The following RASGEF1C variants were observed in gnomAD, a reference collection of about 807,000 sequenced individuals.
RASGEF1C encodes RasGEF domain family member 1C, also known as ras-GEF domain-containing family member 1C.
A neutral mutation model predicts 58.1 loss-of-function variants in RASGEF1C; 27 were observed. The observed-to-expected ratio is 0.46, with a 90% CI of 0.34 to 0.64. The LOEUF (loss-of-function observed/expected upper bound fraction) is 0.64, where lower values mean the gene tolerates loss of function less well. Among genes scored for constraint, RASGEF1C ranks in the 30% least tolerant of loss-of-function variants. RASGEF1C has a pLI of 0.01. For missense variants in RASGEF1C, 502 were observed against 605.1 expected (o/e 0.83, Z 1.79); for synonymous variants, 243 against 246.3 (o/e 0.99, Z 0.13).
At chr5:180,163,483 T>C (rs947856013) in intron 1 of RASGEF1C, among the ~76,000 whole-genome samples, 4 of 152,070 alleles carry the variant, frequency 2.6e-5, no homozygotes, top group Admixed American at 1.3e-4. Context: ...CCCTTGAGAC[T>C]TCCTTTCTTA....
At chr5:180,190,503 AAAAAAT>A (rs1278606972) in intron 1 of RASGEF1C, among the ~76,000 whole-genome samples, 19 of 94,626 alleles carry the variant, frequency 2.0e-4, no homozygotes, top group African/African-American at 5.6e-4. Context: ...AAAAAAAAAA[AAAAAAT>A]AATAATAATA....
intron 1 of RASGEF1C, among the ~76,000 whole-genome samples, chr5:180,205,225 GACTAACAATAAA>G (rs1756467737): frequency 2.6e-5 from 4 of 151,636 alleles, no homozygotes; most frequent in Admixed American, 6.6e-5. Flanking sequence ...CAAAAAAAAA[GACTAACAATAAA>G]ACTAACAATA....
At chr5:180,122,418 T>C (rs1287480024) in intron 6 of RASGEF1C, among the ~76,000 whole-genome samples, 1 of 152,250 alleles carries the variant, frequency 6.6e-6, no homozygotes, top group African/African-American at 2.4e-5. Context: ...ATTTAAAAGA[T>C]GAAACTTAAC....
intron 1 of RASGEF1C, among the ~76,000 whole-genome samples, chr5:180,159,618 T>C (rs1766905311): frequency 6.6e-6 from 1 of 152,118 alleles, no homozygotes; most frequent in African/African-American, 2.4e-5. Context: ...TCAAGAGAGA[T>C]GATGGGGCTG....
intron 4 of RASGEF1C, among the ~76,000 whole-genome samples, chr5:180,135,053 C>CG (rs1554112749): frequency 7.6e-5 from 11 of 144,466 alleles, no homozygotes; most frequent in African/African-American, 2.8e-4. Flanking sequence ...CCACCCCCCC[C>CG]GTCCAATCAT....
rs562367934 is a variant in RASGEF1C, at chr5:180,137,768, G to T, written c.178-56C>A. 5.0e-6 allele frequency: 8 copies of T among 1,607,450 alleles called. No individual in the cohort carries two copies. Among genetic ancestry groups the T allele is most frequent in the Non-Finnish European group, 6.8e-6 (8 of 1,176,702 alleles). On this transcript the variant is annotated intron_variant, in intron 2 of 13. Coordinates refer to ENST00000361132, the MANE Select transcript of RASGEF1C (RefSeq NM_175062.4). This position sits in a 1 kb window ranked among gnomAD's most constrained non-coding sequence, Gnocchi z 4.1. Reference sequence around the variant, plus strand: ...CTCAGGAGGGCACCAGGAGGGGCATGCTTCCCAGCTGGCCCTGTACCCTGG... The same window carrying T: ...CTCAGGAGGGCACCAGGAGGGGCATTCTTCCCAGCTGGCCCTGTACCCTGG...
intron 1 of RASGEF1C, among the ~76,000 whole-genome samples, chr5:180,190,347 G>C (rs6876260): frequency 6.6e-6 from 1 of 151,146 alleles, no homozygotes; most frequent in Non-Finnish European, 1.5e-5. Context: ...AAAATTAGCC[G>C]GGCGTGGTGG....
Position 180,128,459 on chromosome 5 carries a change from A to T in RASGEF1C, c.590T>A (p.Val197Asp), listed in dbSNP as rs1766302362. Residue 197 changes from valine to aspartate, a missense_variant, in exon 5 of 14, where the codon GTC becomes GAC. By Grantham distance (152) the Val-to-Asp change is radical. Coordinates refer to ENST00000361132, the MANE Select transcript of RASGEF1C (RefSeq NM_175062.4). ...GGCCAGTGTGTAGGGGTCGCTGCAG[A>T]CACCAAGGAGCTCCCTGTGGATGGA... is the stretch of plus-strand genomic sequence containing the variant. ...PASIHRELLGVCSDPYTLAQQ... is the reference protein window; with the variant it reads ...PASIHRELLGDCSDPYTLAQQ... 1 of 1,614,006 alleles carries T rather than the reference A, an allele frequency of 6.2e-7. No individual in the cohort carries two copies.
At chr5:180,181,433 G>A (rs1163729910) in intron 1 of RASGEF1C, among the ~76,000 whole-genome samples, 1 of 152,144 alleles carries the variant, frequency 6.6e-6, no homozygotes, top group Non-Finnish European at 1.5e-5. Flanking sequence ...TTGGAAATAG[G>A]GTCACTGCAA....
rs1766510764 is a variant in RASGEF1C at position 180,137,872 on chromosome 5, C to T, written c.177+4G>A. 1 of 1,611,280 alleles carries T rather than the reference C, an allele frequency of 6.2e-7. No individual in the cohort carries two copies. The highest frequency in any genetic ancestry group is 1.7e-5 in the Admixed American group (1 of 59,582). ...CTCTCCTGCCCGCTGGGTGGATCAC[C>T]CACCTCGGGGTAGTAGTCGGCTGTG... is the stretch of plus-strand genomic sequence containing the variant. On this transcript the variant is annotated splice_donor_region_variant and intron_variant, in intron 2 of 13. Transcript: ENST00000361132. The surrounding 1 kb of genome is among the most constrained non-coding windows in gnomAD (Gnocchi z 4.1).
At chr5:180,129,726 G>A (rs1273575810) in intron 4 of RASGEF1C, among the ~76,000 whole-genome samples, 1 of 152,190 alleles carries the variant, frequency 6.6e-6, no homozygotes, top group Non-Finnish European at 1.5e-5. Flanking sequence ...CGCCATCGCT[G>A]GGGACCAGGC....
In RASGEF1C at chr5:180,191,608, A is replaced by G. The variant is rs547781879; in HGVS notation, c.-7+17420T>C. ...CCTGACCTCGTGATCCGCCCGCCTCAGCCTCCCAAAGTGCTGGGATTACAG... is the reference window on the plus strand; with the variant it reads ...CCTGACCTCGTGATCCGCCCGCCTCGGCCTCCCAAAGTGCTGGGATTACAG... On this transcript the variant is annotated intron_variant, in intron 1 of 13. Coordinates refer to ENST00000361132, the MANE Select transcript of RASGEF1C (RefSeq NM_175062.4). 1.3e-3 allele frequency among the ~76,000 whole-genome samples: 197 copies of G among 152,224 alleles called. 2 individuals are homozygous for G. The South Asian group carries it at 0.017, about 13-fold the overall frequency.
Position 180,127,666 on chromosome 5 carries a change from G to A in RASGEF1C, c.657C>T (p.Ile219=), listed in dbSNP as rs200589786. The change falls in exon 6 of 14, where the codon ATC becomes ATT. Residue 219 remains isoleucine, a synonymous_variant. Coordinates refer to ENST00000361132, the MANE Select transcript of RASGEF1C (RefSeq NM_175062.4). The stretch of plus-strand genomic sequence containing the variant: ...AGGCCTGGACAAACTCCTCAGGCCC[G>A]ATGTGCCGCAGCCGCTCCTGCAGGG... ...THVELERLRH[I]GPEEFVQAFV... 4.1e-5 allele frequency: 66 copies of A among 1,612,866 alleles called. No individual in the cohort carries two copies. The highest frequency in any genetic ancestry group is 5.3e-5 in the Non-Finnish European group (63 of 1,179,652).
chr5:180,193,835 C>T (rs557749265), intron 1 of RASGEF1C, among the ~76,000 whole-genome samples: 4 of 150,592 alleles, frequency 2.7e-5, no homozygotes, highest in Admixed American at 6.6e-5. Flanking sequence ...ATGAAGTTTA[C>T]GCAGACAAAG....
At chr5:180,113,263 G>T (rs1765997100) in intron 11 of RASGEF1C, among the ~76,000 whole-genome samples, 1 of 84,660 alleles carries the variant, frequency 1.2e-5, no homozygotes, top group African/African-American at 4.5e-5. Context: ...ATGGACGGAG[G>T]GACCGAGGAT....
At chr5:180,136,604 G>A in intron 3 of RASGEF1C, 89 bp from the exon 4 acceptor site, 6 of 1,399,220 alleles carry the variant, frequency 4.3e-6, no homozygotes, top group African/African-American at 1.4e-5. Context: ...CTGGCCGCCC[G>A]GGGCAGGCAG....
chr5:180,206,108 C>T (rs1756483990), intron 1 of RASGEF1C, among the ~76,000 whole-genome samples: 1 of 152,098 alleles, frequency 6.6e-6, no homozygotes. Flanking sequence ...ACAGACAGAC[C>T]TGTGAGACAC....
At chr5:180,173,063 C>T (rs770615422) in intron 1 of RASGEF1C, among the ~76,000 whole-genome samples, 1 of 152,218 alleles carries the variant, frequency 6.6e-6, no homozygotes, top group Non-Finnish European at 1.5e-5. Context: ...GCCTGGCTCT[C>T]CTGCCTGCTC....
At chr5:180,111,305 G>C (rs1765954805) in intron 12 of RASGEF1C, 152 bp downstream of exon 12, 2 of 1,008,984 alleles carry the variant, frequency 2.0e-6, no homozygotes, top group Non-Finnish European at 2.9e-6. Flanking sequence ...GCCAGCCAGG[G>C]GGATGGAGCC....
Sources: allele counts gnomAD v4.1 joint callset (sites outside exome capture counted in the v4.1 genomes callset), GRCh38; gene constraint gnomAD v4.1.1; non-coding constraint Gnocchi (gnomAD v3.1); transcripts MANE v1.5; gene names NCBI Gene and HGNC (gene_info 2026-07-23, HGNC 2026-07-21).